The following COL4A1 variants were observed in gnomAD, a reference collection of about 807,000 sequenced individuals.
COL4A1 encodes the protein collagen alpha-1(IV) chain.
A neutral mutation model predicts 216.6 loss-of-function variants in COL4A1; 40 were observed. The observed-to-expected ratio is 0.18, with a 90% CI of 0.14 to 0.24. The LOEUF is 0.24. Among genes scored for constraint, COL4A1 ranks in the 10% least tolerant of loss-of-function variants. The pLI is 1.00. For synonymous variants in COL4A1, 839 were observed against 810.7 expected (o/e 1.03, Z -0.59); for missense variants, 1,628 against 2,196.8 (o/e 0.74, Z 5.18).
intron 48 of COL4A1, chr13:110,161,858 G>A: frequency 2.9e-6 from 1 of 341,194 alleles, no homozygotes; most frequent in South Asian, 2.9e-5. Context: ...AGGATAACAT[G>A]GACCTTTTTT....
At chr13:110,159,146 C>T (rs1007732077) in intron 49 of COL4A1, among the ~76,000 whole-genome samples, 1 of 152,178 alleles carries the variant, frequency 6.6e-6, no homozygotes, top group African/African-American at 2.4e-5. Flanking sequence ...ATCAGGGAGG[C>T]TCCTGGGGCC....
At chr13:110,158,101 A>G (rs16975414) in intron 49 of COL4A1, among the ~76,000 whole-genome samples, 6,686 of 152,384 alleles carry the variant, frequency 0.044, 245 homozygotes, top group East Asian at 0.23. Flanking sequence ...GAGCAAGAAA[A>G]GTCTCAAAAC....
At chr13:110,238,932 A>G (rs1881441489) in intron 2 of COL4A1, among the ~76,000 whole-genome samples, 1 of 152,206 alleles carries the variant, frequency 6.6e-6, no homozygotes, top group Non-Finnish European at 1.5e-5. Flanking sequence ...TGTGAAGGCA[A>G]GCATTCAAAA....
chr13:110,241,243 G>A (rs1881554684), intron 2 of COL4A1, among the ~76,000 whole-genome samples: 1 of 152,182 alleles, frequency 6.6e-6, no homozygotes, highest in African/African-American at 2.4e-5. Context: ...AGGAGGGGCC[G>A]CCAAGGCCTG....
intron 50 of COL4A1, among the ~76,000 whole-genome samples, chr13:110,153,255 C>G (rs2138418490): frequency 6.6e-6 from 1 of 152,340 alleles, no homozygotes; most frequent in East Asian, 1.9e-4. Context: ...ATTCTCGGAT[C>G]TGACCAGGAT....
chr13:110,263,825 GTAAGT>G lies in COL4A1; in HGVS notation c.85-21096_85-21092del, dbSNP rs1487451652. 2.0e-5 allele frequency among the ~76,000 whole-genome samples: 3 copies of G among 152,268 alleles called. No individual in the cohort carries two copies. In the East Asian group the frequency reaches 5.8e-4, roughly 29 times the overall value. ...GCTCTCAAATAAACTTTAAAGAAAT[GTAAGT>G]TTAGGCTATCAACATTAGGGCCAAG... On this transcript the variant is annotated intron_variant, in intron 1 of 51. Transcript: ENST00000375820.
At chr13:110,203,103 C>T (rs1185579812) in intron 18 of COL4A1, among the ~76,000 whole-genome samples, 1 of 151,928 alleles carries the variant, frequency 6.6e-6, no homozygotes, top group Non-Finnish European at 1.5e-5. Flanking sequence ...ATCACAGCTA[C>T]ACGGGGGGCT....
chr13:110,149,226 C>G lies in COL4A1; in HGVS notation c.*1137G>C, dbSNP rs2138414311. On this transcript the variant is annotated 3_prime_UTR_variant, in exon 52 of 52. Coordinates refer to ENST00000375820, the MANE Select transcript of COL4A1 (RefSeq NM_001845.6). ...CTGCCCTCCTGCGGTCCATGCGATG[C>G]CCTGCTGAGGTCTGTGAACACAGCT... 6.5e-6 allele frequency: 1 copy of G among 154,866 alleles called. No individual in the cohort carries two copies. Among genetic ancestry groups the G allele is most frequent in the Non-Finnish European group, 1.5e-5 (1 of 68,208 alleles). The allele number at this position is 154,866 out of a possible 1,614,324, so 9.6% of individuals were successfully genotyped here. A position where few individuals can be genotyped will look rare whatever the true frequency, so the allele number is the denominator to read the frequency against.
At chr13:110,185,767 G>C (rs1156983219) in intron 26 of COL4A1, among the ~76,000 whole-genome samples, 1 of 152,172 alleles carries the variant, frequency 6.6e-6, no homozygotes, top group African/African-American at 2.4e-5. Context: ...GAACGACGAG[G>C]GAGCCCACAC....
intron 1 of COL4A1, among the ~76,000 whole-genome samples, chr13:110,297,422 G>A (rs1384038277): frequency 6.7e-6 from 1 of 148,460 alleles, no homozygotes; most frequent in African/African-American, 2.6e-5. Flanking sequence ...AAAGGAATAC[G>A]TTATTATCCC....
At chr13:110,216,614 A>G (rs1326504789) in intron 2 of COL4A1, among the ~76,000 whole-genome samples, 1 of 152,186 alleles carries the variant, frequency 6.6e-6, no homozygotes, top group African/African-American at 2.4e-5. Flanking sequence ...TAACCATGGA[A>G]TGCACTGAGG....
Position 110,177,177 on chromosome 13 carries a change from G to A in COL4A1, c.2717-140C>T, listed in dbSNP as rs992495502. ...ATAACTTGTCCAAAATGGCATTAAT[G>A]GCCAGTGTCTGAGACACAGAAGAAT... is the stretch of plus-strand genomic sequence containing the variant. On this transcript the variant is annotated intron_variant, in intron 33 of 51. Coordinates refer to ENST00000375820, the MANE Select transcript of COL4A1 (RefSeq NM_001845.6). The A allele has an allele frequency of 9.8e-6, 14 of 1,422,120 alleles. No individual in the cohort carries two copies. The African/African-American group carries it at 1.3e-4, about 13-fold the overall frequency. The allele number at this position is 1,422,120 out of a possible 1,614,324, so 88.1% of individuals were successfully genotyped here.
Position 110,205,483 on chromosome 13 carries a change from G to GA in COL4A1, c.903+10dup. 2.5e-6 allele frequency: 4 copies of GA among 1,614,042 alleles called. No homozygotes were observed. Among genetic ancestry groups the GA allele is most frequent in the Non-Finnish European group, 3.4e-6 (4 of 1,179,982 alleles). ...TGAGCCTGCTTGTAAAAACCACAGA[G>GA]AAACACTTACGGGACTCCCTTTTTC... On this transcript the variant is annotated intron_variant, in intron 16 of 51. Coordinates refer to ENST00000375820, the MANE Select transcript of COL4A1 (RefSeq NM_001845.6).
intron 1 of COL4A1, among the ~76,000 whole-genome samples, chr13:110,250,743 A>G (rs967398344): frequency 2.6e-5 from 4 of 152,118 alleles, no homozygotes; most frequent in Non-Finnish European, 5.9e-5. Flanking sequence ...GGGAGGCATG[A>G]CCTGGGGCGA....
chr13:110,205,691 C>T (rs894876575), intron 15 of COL4A1, among the ~76,000 whole-genome samples, 153 bp from the exon 16 acceptor site: 2 of 152,020 alleles, frequency 1.3e-5, no homozygotes, highest in African/African-American at 4.8e-5. Context: ...GGCGAAATCC[C>T]GTCTCCACTA....
intron 2 of COL4A1, among the ~76,000 whole-genome samples, chr13:110,219,878 G>GTATATATATGTGTGTATATATATT (rs1880366007): frequency 2.3e-5 from 2 of 87,062 alleles, no homozygotes; most frequent in Non-Finnish European, 4.3e-5. Flanking sequence ...GTGTATATAT[G>GTATATATATGTGTGTATATATATT]TATATATATG....
chr13:110,253,386 TTAC>T (rs1882310632), intron 1 of COL4A1, among the ~76,000 whole-genome samples: 3 of 1,504 alleles, frequency 2.0e-3, no homozygotes, highest in Non-Finnish European at 7.7e-3. Context: ...ATTATATGTA[TTAC>T]ATATACATAT....
intron 22 of COL4A1, 67 bp from the exon 23 acceptor site, chr13:110,192,980 A>G (rs1878713294): frequency 1.4e-6 from 2 of 1,448,446 alleles, no homozygotes; most frequent in Admixed American, 3.4e-5. Flanking sequence ...GTGCACTGAG[A>G]GAACAGAAAA....
chr13:110,223,857 G>C (rs2139222114), intron 2 of COL4A1, among the ~76,000 whole-genome samples: 1 of 152,238 alleles, frequency 6.6e-6, no homozygotes, highest in African/African-American at 2.4e-5. Flanking sequence ...CCTCCGTGTA[G>C]ACTTTAGAGG....
Sources: allele counts gnomAD v4.1 joint callset (sites outside exome capture counted in the v4.1 genomes callset), GRCh38; gene constraint gnomAD v4.1.1; transcripts MANE v1.5; gene names NCBI Gene and HGNC (gene_info 2026-07-23, HGNC 2026-07-21).